The following TRAF2 variants were observed in gnomAD, a reference collection of about 807,000 sequenced individuals.
The protein encoded by TRAF2 is TNF receptor associated factor 2.
In TRAF2, 6 loss-of-function variants were observed where a neutral mutation model predicts 55.6. The ratio of observed to expected loss-of-function variants is 0.11; its 90% CI spans 0.06 to 0.21. TRAF2 has a LOEUF of 0.21. Among genes scored for constraint, TRAF2 ranks in the 10% least tolerant of loss-of-function variants. The pLI is 1.00. For missense variants in TRAF2, 561 were observed against 684.5 expected, an observed-to-expected ratio of 0.82 and a Z score of 2.01; for synonymous variants, 329 against 276.3, an observed-to-expected ratio of 1.19 and a Z score of -1.89.
At chr9:136,893,149 G>A (rs1259138020) in intron 1 of TRAF2, among the ~76,000 whole-genome samples, 2 of 152,150 alleles carry the variant, frequency 1.3e-5, no homozygotes, top group Non-Finnish European at 1.5e-5. Flanking sequence ...TAGCTCTGCC[G>A]CCCACAGGAG....
At chr9:136,885,775 AAAAT>A (rs938676586), upstream of TRAF2, among the ~76,000 whole-genome samples, 47 of 152,234 alleles carry the variant, frequency 3.1e-4, no homozygotes, top group Middle Eastern at 3.4e-3. Context: ...CTCAAAAAAA[AAAAT>A]AAATAAAGTG....
chr9:136,893,416 TCA>T (rs1192600659), intron 1 of TRAF2, among the ~76,000 whole-genome samples: 6 of 152,336 alleles, frequency 3.9e-5, no homozygotes, highest in East Asian at 3.9e-4. Flanking sequence ...GACAGTCTCG[TCA>T]CAGTTTCTCA....
chr9:136,912,081 C>T (rs112356767), intron 6 of TRAF2, among the ~76,000 whole-genome samples: 20,734 of 149,662 alleles, frequency 0.14, 1,529 homozygotes, highest in South Asian at 0.21. Context: ...TGTCGATCTC[C>T]TGACCTCGTG....
In TRAF2 at chr9:136,904,392, A is replaced by T. The variant is rs377433678; in HGVS notation, c.367-3678A>T. On this transcript the variant is annotated intron_variant, in intron 4 of 10. Coordinates refer to ENST00000247668, the MANE Select transcript of TRAF2 (RefSeq NM_021138.4). The stretch of plus-strand genomic sequence containing the variant: ...GCCATTTTACTATGTTTTAAAGAAC[A>T]GTCTTTTTTATTTTTATTTTTTTAT... 7.2e-5 allele frequency among the ~76,000 whole-genome samples: 11 copies of T among 152,060 alleles called. No individual in the cohort carries two copies. In the East Asian group the frequency reaches 1.7e-3, roughly 24 times the overall value.
intron 6 of TRAF2, among the ~76,000 whole-genome samples, chr9:136,911,683 A>C (rs543790812): frequency 1.0e-3 from 156 of 152,124 alleles, no homozygotes; most frequent in Admixed American, 1.6e-3. Flanking sequence ...CTGTCTAGGC[A>C]TGGAACTCTG....
chr9:136,893,843 G>A (rs1042213457), intron 1 of TRAF2, among the ~76,000 whole-genome samples: 1 of 151,882 alleles, frequency 6.6e-6, no homozygotes, highest in Non-Finnish European at 1.5e-5. Flanking sequence ...TCTCCTTCCC[G>A]GGTTCAAGCG....
intron 1 of TRAF2, among the ~76,000 whole-genome samples, chr9:136,890,852 G>A (rs764087621): frequency 1.3e-5 from 2 of 152,190 alleles, no homozygotes; most frequent in Non-Finnish European, 2.9e-5. Context: ...CCTTCCAGCC[G>A]TGTCAGGATG....
chr9:136,896,560 C>T (rs1005457940), intron 1 of TRAF2, among the ~76,000 whole-genome samples: 1 of 152,210 alleles, frequency 6.6e-6, no homozygotes, highest in Admixed American at 6.5e-5. Flanking sequence ...ACAATCTTCA[C>T]TTCAGCTAGA....
At chr9:136,918,255 A>T (rs11145931) in intron 7 of TRAF2, among the ~76,000 whole-genome samples, 875 of 23,338 alleles carry the variant, frequency 0.037, 19 homozygotes, top group African/African-American at 0.17. Context: ...ATATATATAT[A>T]TATTTATTTA....
upstream of TRAF2, chr9:136,881,979 C>T (rs1279831799): frequency 7.1e-6 from 7 of 985,308 alleles, no homozygotes; most frequent in African/African-American, 3.5e-5. Flanking sequence ...GACATGCAAA[C>T]GTCTGAAAAA....
intron 6 of TRAF2, among the ~76,000 whole-genome samples, chr9:136,915,051 T>C (rs1202650344): frequency 1.3e-5 from 2 of 152,124 alleles, no homozygotes; most frequent in African/African-American, 4.8e-5. Flanking sequence ...TGGTAGCGCA[T>C]GCCTGTAATC....
upstream of TRAF2, among the ~76,000 whole-genome samples, chr9:136,884,849 G>A (rs1849416339): frequency 6.6e-6 from 1 of 152,206 alleles, no homozygotes; most frequent in Non-Finnish European, 1.5e-5. Flanking sequence ...GGCATGAACT[G>A]CCACGTGAAC....
At chr9:136,900,729 G>C in intron 4 of TRAF2, 1 of 602,120 alleles carries the variant, frequency 1.7e-6, no homozygotes, top group South Asian at 1.7e-5. Flanking sequence ...GCACCATGGA[G>C]CTTGGGCTGT....
Position 136,925,673 on chromosome 9 carries a change from TCTC to T in TRAF2, c.1288-5_1288-3del, listed in dbSNP as rs762852732. 2 of 1,613,444 alleles carry T rather than the reference TCTC, an allele frequency of 1.2e-6. No individual in the cohort carries two copies. Among genetic ancestry groups the T allele is most frequent in the South Asian group, 1.1e-5 (1 of 91,070 alleles). On this transcript the variant is annotated splice_polypyrimidine_tract_variant and splice_region_variant and intron_variant, in intron 10 of 10. Coordinates refer to ENST00000247668, the MANE Select transcript of TRAF2 (RefSeq NM_021138.4). The stretch of plus-strand genomic sequence containing the variant: ...GACCTGTGTCCCCTCCCTGGGGCTC[TCTC>T]CTCCAGGTGACCTTAATGCTGCTCG...
At chr9:136,898,677 G>T (rs768271757) in intron 1 of TRAF2, 36 bp from the exon 2 acceptor site, 1 of 1,606,612 alleles carries the variant, frequency 6.2e-7, no homozygotes, top group South Asian at 1.1e-5. Flanking sequence ...GACTGTTCTG[G>T]AATTGAGGTG....
At chr9:136,919,379 A>G (rs1438830816) in intron 7 of TRAF2, among the ~76,000 whole-genome samples, 12 of 135,572 alleles carry the variant, frequency 8.9e-5, no homozygotes, top group Admixed American at 7.1e-4. Flanking sequence ...GCTCACCACA[A>G]CCTCCACCTC....
At chr9:136,902,452 C>T (rs1849843465) in intron 4 of TRAF2, 1 of 152,258 alleles carries the variant, frequency 6.6e-6, no homozygotes, top group Non-Finnish European at 1.5e-5. Flanking sequence ...GGGTCTCTGC[C>T]ACCTCCAGGC....
chr9:136,889,954 C>T (rs1317919938), intron 1 of TRAF2, among the ~76,000 whole-genome samples: 1 of 149,720 alleles, frequency 6.7e-6, no homozygotes, highest in Non-Finnish European at 1.5e-5. Context: ...TGTGAGAGTC[C>T]CCACCGCACG....
Position 136,899,605 on chromosome 9 carries a change from A to G in TRAF2, c.200A>G (p.Gln67Arg). 6.2e-7 allele frequency: 1 copy of G among 1,612,232 alleles called. No individual in the cohort carries two copies. The highest frequency in any genetic ancestry group is 8.5e-7 in the Non-Finnish European group (1 of 1,178,560). The change falls in exon 3 of 11, where the codon CAG (glutamine) becomes CGG (arginine). Residue 67 changes from glutamine to arginine, a missense_variant. By Grantham distance (43) the Gln-to-Arg change is conservative (BLOSUM62 1). Around this residue, in one of 2 missense-constraint regions of TRAF2, gnomAD observed 426 missense variants for 476.8 expected, o/e 0.89. Coordinates refer to ENST00000247668, the MANE Select transcript of TRAF2 (RefSeq NM_021138.4). ...CLASILSSGP[Q>R]NCAACVHEGI... ...TTTTTCCCCACTAGCTCTGGGCCTCAGAACTGTGCTGCCTGTGTTCACGAG... is the reference window on the plus strand; with the variant it reads ...TTTTTCCCCACTAGCTCTGGGCCTCGGAACTGTGCTGCCTGTGTTCACGAG...
Sources: allele counts gnomAD v4.1 joint callset (sites outside exome capture counted in the v4.1 genomes callset), GRCh38; gene constraint gnomAD v4.1.1; regional missense constraint gnomAD v4.1.1; transcripts MANE v1.5; gene names NCBI Gene and HGNC (gene_info 2026-07-23, HGNC 2026-07-21).